The following ERBB4 variants were observed in gnomAD, a reference collection of about 807,000 sequenced individuals.
ERBB4 encodes receptor tyrosine-protein kinase erbB-4.
A neutral mutation model predicts 158.0 loss-of-function variants in ERBB4; 42 were observed. The observed-to-expected ratio is 0.27, with a 90% CI of 0.21 to 0.34. The LOEUF is 0.34. ERBB4 is among the 10% of genes least tolerant of loss of function. The pLI, the probability that ERBB4 is intolerant of heterozygous loss-of-function variation, is 1.00. For missense variants in ERBB4, 1,333 were observed against 1,624.1 expected, an observed-to-expected ratio of 0.82 and a Z score of 3.08; for synonymous variants, 583 against 558.7, an observed-to-expected ratio of 1.04 and a Z score of -0.61.
chr2:211,519,748 G>C lies in ERBB4; in HGVS notation c.2487+42155C>G, dbSNP rs568645868. On this transcript the variant is annotated intron_variant, in intron 20 of 27. Transcript: ENST00000342788. The stretch of plus-strand genomic sequence containing the variant: ...TGCATTTGTACTTGCATTTCTAATT[G>C]CATCATGGAAAGACAAATAGAAATC... Among the ~76,000 whole-genome samples the C allele has an allele frequency of 4.6e-5, 7 of 152,178 alleles. No individual in the cohort carries two copies. The East Asian group carries it at 1.4e-3, about 29-fold the overall frequency.
chr2:211,491,535 C>G (rs1436231348), intron 20 of ERBB4, among the ~76,000 whole-genome samples: 1 of 151,864 alleles, frequency 6.6e-6, no homozygotes, highest in Non-Finnish European at 1.5e-5. Flanking sequence ...TTTTAGAACT[C>G]CATTCTAATT....
At chr2:211,551,653 T>A (rs1316051746) in intron 20 of ERBB4, among the ~76,000 whole-genome samples, 1 of 152,208 alleles carries the variant, frequency 6.6e-6, no homozygotes, top group African/African-American at 2.4e-5. Context: ...TAGACTATTA[T>A]TTTTTAAATT....
At position 211,551,237 on chromosome 2, in the gene ERBB4, G is replaced by A. The variant is rs373555462; in HGVS notation, c.2487+10666C>T. On this transcript the variant is annotated intron_variant, in intron 20 of 27. Coordinates refer to ENST00000342788, the MANE Select transcript of ERBB4 (RefSeq NM_005235.3). ...CTTACCATCAAATTAGATTCATGCC[G>A]CTGACATACACAAAAGGTCTGATGA... Among the ~76,000 whole-genome samples, 57 of 152,192 alleles carry A rather than the reference G, an allele frequency of 3.7e-4. 1 individual carries two copies. The highest frequency in any genetic ancestry group is 2.0e-4 in the Admixed American group (3 of 15,280).
At chr2:211,522,855 T>G (rs1243580701) in intron 20 of ERBB4, among the ~76,000 whole-genome samples, 3 of 152,092 alleles carry the variant, frequency 2.0e-5, no homozygotes, top group Admixed American at 1.3e-4. Context: ...AGTATAAACA[T>G]AACTTTTGTA....
At chr2:211,586,395 G>A (rs903711148) in intron 19 of ERBB4, among the ~76,000 whole-genome samples, 1 of 152,134 alleles carries the variant, frequency 6.6e-6, no homozygotes, top group Non-Finnish European at 1.5e-5. Context: ...AAAAGAAATA[G>A]AGTTGTATAA....
At chr2:212,009,196 T>G (rs553446287) in intron 2 of ERBB4, among the ~76,000 whole-genome samples, 1 of 152,250 alleles carries the variant, frequency 6.6e-6, no homozygotes, top group Non-Finnish European at 1.5e-5. Flanking sequence ...CCCATGAATG[T>G]GATCTTCTTT....
rs187793186 is a variant in ERBB4, at chr2:212,403,050, A to G, written c.82+135399T>C. ...AGTCATTTATTGGCTTTGTAAAACA[A>G]TTATTTTATAAACAGTTATAATTAA... On this transcript the variant is annotated intron_variant, in intron 1 of 27. Coordinates refer to ENST00000342788, the MANE Select transcript of ERBB4 (RefSeq NM_005235.3). Among the ~76,000 whole-genome samples the G allele has an allele frequency of 3.4e-4, 51 of 152,228 alleles. No homozygotes were observed. In the East Asian group the frequency reaches 9.8e-3, roughly 29 times the overall value.
At chr2:211,972,865 G>C (rs1024081091) in intron 2 of ERBB4, among the ~76,000 whole-genome samples, 1 of 152,122 alleles carries the variant, frequency 6.6e-6, no homozygotes, top group Non-Finnish European at 1.5e-5. Context: ...CATGATGAAG[G>C]CACCCACAGC....
chr2:212,180,769 T>C (rs1460709557), intron 1 of ERBB4, among the ~76,000 whole-genome samples: 1 of 151,752 alleles, frequency 6.6e-6, no homozygotes, highest in Non-Finnish European at 1.5e-5. Flanking sequence ...AATTATATCA[T>C]CTGCCTCATT....
intron 1 of ERBB4, among the ~76,000 whole-genome samples, chr2:212,402,737 C>T (rs1174274219): frequency 6.6e-6 from 1 of 151,838 alleles, no homozygotes; most frequent in Non-Finnish European, 1.5e-5. Flanking sequence ...TGTATAAATA[C>T]AGGGGTTTGT....
chr2:211,843,406 C>T (rs538003416), intron 3 of ERBB4, among the ~76,000 whole-genome samples: 1 of 125,408 alleles, frequency 8.0e-6, no homozygotes, highest in East Asian at 2.9e-4. Flanking sequence ...TGCACATGTG[C>T]GTGCGTGTGC....
At chr2:212,387,274 C>G (rs2090706982) in intron 1 of ERBB4, among the ~76,000 whole-genome samples, 1 of 151,980 alleles carries the variant, frequency 6.6e-6, no homozygotes, top group African/African-American at 2.4e-5. Context: ...TGAATTTTAG[C>G]TAATATCAAG....
intron 1 of ERBB4, among the ~76,000 whole-genome samples, chr2:212,218,126 T>G (rs776889323): frequency 6.6e-6 from 1 of 151,370 alleles, no homozygotes; most frequent in African/African-American, 2.4e-5. Context: ...AAAGTCTCCA[T>G]TGCTAACGAG....
chr2:211,613,854 C>G lies in ERBB4; in HGVS notation c.2301+5323G>C, dbSNP rs934091566. Among the ~76,000 whole-genome samples, 9 of 152,106 alleles carry G rather than the reference C, an allele frequency of 5.9e-5. No homozygotes were observed. The East Asian group carries it at 7.8e-4, about 13-fold the overall frequency. On this transcript the variant is annotated intron_variant, in intron 19 of 27. Coordinates refer to ENST00000342788, the MANE Select transcript of ERBB4 (RefSeq NM_005235.3). Reference sequence around the variant, plus strand: ...ATTAGTATAACCACTATGGAGAACACTTTGGAGGTTCCTCAAAAAACTAAA... The same window carrying G: ...ATTAGTATAACCACTATGGAGAACAGTTTGGAGGTTCCTCAAAAAACTAAA...
chr2:212,153,135 G>C (rs948611333), intron 1 of ERBB4, among the ~76,000 whole-genome samples: 5 of 152,206 alleles, frequency 3.3e-5, no homozygotes, highest in African/African-American at 1.2e-4. Context: ...AATGTTAACT[G>C]ATAGGGGAAC....
At chr2:211,848,322 C>T (rs779306770) in intron 3 of ERBB4, among the ~76,000 whole-genome samples, 56 of 152,076 alleles carry the variant, frequency 3.7e-4, no homozygotes, top group Non-Finnish European at 6.8e-4. Flanking sequence ...GAAATAAAAA[C>T]AAAACAAAAC....
At chr2:211,855,316 C>T (rs72931678) in intron 3 of ERBB4, among the ~76,000 whole-genome samples, 32,474 of 151,804 alleles carry the variant, frequency 0.21, 3,543 homozygotes, top group South Asian at 0.32. Flanking sequence ...TAAAATTATG[C>T]CCTTTGATGA....
intron 20 of ERBB4, among the ~76,000 whole-genome samples, chr2:211,511,957 TCATGGAGA>T (rs1411063027): frequency 3.3e-5 from 5 of 152,076 alleles, no homozygotes; most frequent in Non-Finnish European, 4.4e-5. Flanking sequence ...TGAAAATAAA[TCATGGAGA>T]CATTGTATAC....
At chr2:211,918,847 A>T (rs1348318518) in intron 3 of ERBB4, among the ~76,000 whole-genome samples, 1 of 152,168 alleles carries the variant, frequency 6.6e-6, no homozygotes. Context: ...AATGTGGAAC[A>T]AAGCTTCCAT....
Sources: allele counts gnomAD v4.1 joint callset (sites outside exome capture counted in the v4.1 genomes callset), GRCh38; gene constraint gnomAD v4.1.1; transcripts MANE v1.5; gene names NCBI Gene and HGNC (gene_info 2026-07-23, HGNC 2026-07-21).